GFRA2: variants seen among roughly 807,000 people sequenced by gnomAD.
The protein encoded by GFRA2 is GDNF family receptor alpha-2.
A neutral mutation model predicts 48.3 loss-of-function variants in GFRA2; 17 were observed. The observed-to-expected ratio is 0.35, with a 90% confidence interval of 0.24 to 0.53. The LOEUF (loss-of-function observed/expected upper bound fraction) is 0.53, where lower values mean the gene tolerates loss of function less well. GFRA2 is among the 20% of genes least tolerant of loss of function. GFRA2 has a pLI of 0.93. For synonymous variants in GFRA2, 305 were observed against 257.2 expected (o/e 1.19, Z -1.78); for missense variants, 660 against 637.3 (o/e 1.04, Z -0.38).
chr8:21,788,885 C>T, upstream of GFRA2: 1 of 737,782 alleles, frequency 1.4e-6, no homozygotes. Flanking sequence ...CCCTCGCTCT[C>T]CTCTCTCCCT....
intron 4 of GFRA2, among the ~76,000 whole-genome samples, chr8:21,726,614 G>A (rs1053073106): frequency 5.9e-5 from 9 of 152,136 alleles, no homozygotes; most frequent in South Asian, 4.2e-4. Flanking sequence ...CCACTTCAGC[G>A]TCTGTGTCCA....
chr8:21,720,021 A>G (rs899746390), intron 4 of GFRA2, among the ~76,000 whole-genome samples: 7 of 152,068 alleles, frequency 4.6e-5, no homozygotes, highest in Admixed American at 6.6e-5. Flanking sequence ...CCCCTCCCCA[A>G]TTCTGTTACT....
chr8:21,736,585 T>C (rs1414435019), intron 4 of GFRA2, among the ~76,000 whole-genome samples: 1 of 152,076 alleles, frequency 6.6e-6, no homozygotes, highest in Non-Finnish European at 1.5e-5. Flanking sequence ...AGCCTCGAAC[T>C]CCTGGGTCCA....
chr8:21,766,126 C>T (rs982419779), intron 3 of GFRA2, among the ~76,000 whole-genome samples: 2 of 152,246 alleles, frequency 1.3e-5, no homozygotes, highest in East Asian at 3.9e-4. Flanking sequence ...CATGTGCTTC[C>T]CTGGGTCCCA....
chr8:21,791,453 C>T (rs1807572405), upstream of GFRA2, among the ~76,000 whole-genome samples: 1 of 152,162 alleles, frequency 6.6e-6, no homozygotes, highest in Non-Finnish European at 1.5e-5. Context: ...TATCCCATGA[C>T]ACCCCACCCT....
At chr8:21,738,836 G>A (rs987547924) in intron 4 of GFRA2, among the ~76,000 whole-genome samples, 3 of 152,198 alleles carry the variant, frequency 2.0e-5, no homozygotes, top group Non-Finnish European at 2.9e-5. Flanking sequence ...GAAGGTCTGC[G>A]GTTCACTCCA....
In GFRA2 at chr8:21,699,584, G is replaced by A. The variant is rs1326267406; in HGVS notation, c.1218+3221C>T. ...CATGGCCAGGAAAGCACCAACCATC[G>A]CCCGTCTCCCTGCAGCCCTCACTGC... On this transcript the variant is annotated intron_variant, in intron 7 of 8. Transcript: ENST00000524240. 2.6e-5 allele frequency among the ~76,000 whole-genome samples: 4 copies of A among 152,222 alleles called. No individual in the cohort carries two copies. In the East Asian group the frequency reaches 5.8e-4, roughly 22 times the overall value.
chr8:21,806,950 G>A (rs536083634), intron 1 of GFRA2, among the ~76,000 whole-genome samples: 3 of 152,212 alleles, frequency 2.0e-5, no homozygotes, highest in East Asian at 1.9e-4. Context: ...CTACAATGTC[G>A]CTATTGGTCA....
chr8:21,700,740 A>T (rs1246885407), intron 7 of GFRA2, among the ~76,000 whole-genome samples: 2 of 152,110 alleles, frequency 1.3e-5, no homozygotes, highest in Non-Finnish European at 2.9e-5. Flanking sequence ...CCCAAGGAAG[A>T]AGGAAGGACA....
intron 4 of GFRA2, among the ~76,000 whole-genome samples, chr8:21,743,202 C>T (rs958068873): frequency 7.2e-5 from 11 of 152,104 alleles, no homozygotes; most frequent in Non-Finnish European, 1.2e-4. Flanking sequence ...CTCAGGGTCT[C>T]GGCTCCTTGC....
chr8:21,735,456 C>A (rs895952250), intron 4 of GFRA2, among the ~76,000 whole-genome samples: 1 of 152,008 alleles, frequency 6.6e-6, no homozygotes. Flanking sequence ...TTCGCACACA[C>A]ACAGGAGATG....
chr8:21,782,821 C>T lies in GFRA2; in HGVS notation c.119G>A (p.Cys40Tyr). The change falls in exon 2 of 9, where the codon TGT becomes TAT. Residue 40 changes from cysteine (C) to tyrosine (Y), a missense_variant. Physicochemically the swap from Cys to Tyr is radical, Grantham distance 194 (BLOSUM62 -2). Transcript: ENST00000524240. The part of the protein sequence containing the change: ...ELHGWRPPVD[C>Y]VRANELCAAE... Reference sequence around the variant, plus strand: ...GGCACACAGCTCATTGGCCCGGACACAGTCCACTGGGGGGCGCCAGCCGTG... The same window carrying T: ...GGCACACAGCTCATTGGCCCGGACATAGTCCACTGGGGGGCGCCAGCCGTG... 2 of 1,574,706 alleles carry T rather than the reference C, an allele frequency of 1.3e-6. No homozygotes were observed. Among genetic ancestry groups the T allele is most frequent in the African/African-American group, 1.3e-5 (1 of 74,424 alleles).
At position 21,704,533 on chromosome 8, in the gene GFRA2, T is replaced by C. The variant is rs7830118; in HGVS notation, c.1045+452A>G. Among the ~76,000 whole-genome samples the C allele has an allele frequency of 3.1e-3, 476 of 152,200 alleles. 1 individual carries two copies. The highest frequency in any genetic ancestry group is 0.011 in the African/African-American group (460 of 41,520). On this transcript the variant is annotated intron_variant, in intron 6 of 8. Coordinates refer to ENST00000524240, the MANE Select transcript of GFRA2 (RefSeq NM_001495.5). ...TCAGGTGGGCATGGATGGCAATGGG[T>C]GCTGGGCTGGAAAGATCAAAGGCAG...
rs114669581 is a variant in GFRA2, at chr8:21,694,619, G to A, written c.1219-102C>T. 4.7e-4 allele frequency: 487 copies of A among 1,027,734 alleles called. 2 individuals carry two copies. In the African/African-American group the frequency reaches 6.8e-3, roughly 14 times the overall value. The allele number at this position is 1,027,734 out of a possible 1,614,324, so 63.7% of individuals were successfully genotyped here. A position where few individuals can be genotyped will look rare whatever the true frequency, so the allele number is the denominator to read the frequency against. On this transcript the variant is annotated intron_variant, in intron 7 of 8. Transcript: ENST00000524240. ...GGCCCCGCCATGCACTGTTGGCTCCGCTAAGCACAGCCAGCGCACACGGTG... is the reference window on the plus strand; with the variant it reads ...GGCCCCGCCATGCACTGTTGGCTCCACTAAGCACAGCCAGCGCACACGGTG...
chr8:21,717,219 A>G (rs1288690812), intron 4 of GFRA2, among the ~76,000 whole-genome samples: 1 of 152,226 alleles, frequency 6.6e-6, no homozygotes, highest in Non-Finnish European at 1.5e-5. Flanking sequence ...GATCAAATTC[A>G]TGAAAGAAGA....
intron 1 of GFRA2, among the ~76,000 whole-genome samples, chr8:21,810,360 C>T (rs900009946): frequency 2.0e-5 from 3 of 152,178 alleles, no homozygotes; most frequent in Non-Finnish European, 2.9e-5. Context: ...CCTCTGCCCA[C>T]CCCCCTCACT....
intron 2 of GFRA2, among the ~76,000 whole-genome samples, chr8:21,794,053 T>C (rs1295334612): frequency 2.6e-5 from 4 of 151,736 alleles, no homozygotes; most frequent in African/African-American, 9.7e-5. Flanking sequence ...GAGGTCTCCA[T>C]ATGTTACCCA....
At chr8:21,803,992 G>A (rs1218562112) in intron 2 of GFRA2, among the ~76,000 whole-genome samples, 1 of 152,050 alleles carries the variant, frequency 6.6e-6, no homozygotes, top group Non-Finnish European at 1.5e-5. Flanking sequence ...AATAACCCAG[G>A]AAGATAAATA....
chr8:21,729,486 G>A (rs1804070771), intron 4 of GFRA2, among the ~76,000 whole-genome samples: 1 of 152,060 alleles, frequency 6.6e-6, no homozygotes, highest in African/African-American at 2.4e-5. Context: ...GTGAAAGCTG[G>A]GCCTGGGAGA....
Sources: gnomAD v4.1 joint callset for allele counts (sites outside exome capture counted in the v4.1 genomes callset) on GRCh38, gnomAD v4.1.1 for gene constraint, MANE v1.5 for transcripts, NCBI Gene and HGNC (gene_info 2026-07-23, HGNC 2026-07-21) for gene names.